The following NLGN1 variants were observed in gnomAD, a reference collection of about 807,000 sequenced individuals.
The protein encoded by NLGN1 is neuroligin-1.
NLGN1 carries 12 observed loss-of-function variants against 65.5 expected under a neutral mutation model. The observed-to-expected ratio is 0.18, with a 90% CI of 0.12 to 0.30. The LOEUF is 0.30. NLGN1 is among the 10% of genes least tolerant of loss of function. NLGN1 has a pLI of 1.00. For missense variants in NLGN1, 750 were observed against 1,007.1 expected (o/e 0.74, Z 3.46); for synonymous variants, 350 against 359.5 (o/e 0.97, Z 0.30).
intron 4 of NLGN1, among the ~76,000 whole-genome samples, chr3:174,220,797 G>T (rs1023730394): frequency 6.6e-6 from 1 of 152,100 alleles, no homozygotes; most frequent in African/African-American, 2.4e-5. Flanking sequence ...TGTGAAATAT[G>T]TAGACAGCAA....
intron 4 of NLGN1, among the ~76,000 whole-genome samples, chr3:174,236,254 T>A (rs1038938779): frequency 6.6e-6 from 1 of 152,108 alleles, no homozygotes; most frequent in African/African-American, 2.4e-5. Flanking sequence ...CTCGAACCTA[T>A]TATCCAAAAA....
chr3:173,610,308 G>A (rs1272411272), intron 3 of NLGN1, among the ~76,000 whole-genome samples: 1 of 151,910 alleles, frequency 6.6e-6, no homozygotes, highest in Non-Finnish European at 1.5e-5. Context: ...AAGGGTTACG[G>A]GAGAAGCAGA....
At chr3:173,452,842 A>G (rs1721854631) in intron 2 of NLGN1, among the ~76,000 whole-genome samples, 1 of 152,220 alleles carries the variant, frequency 6.6e-6, no homozygotes, top group African/African-American at 2.4e-5. Flanking sequence ...TGAGCCACAG[A>G]CATTTTTTGG....
At chr3:174,000,479 G>A (rs1163654269) in intron 4 of NLGN1, among the ~76,000 whole-genome samples, 1 of 152,140 alleles carries the variant, frequency 6.6e-6, no homozygotes, top group Non-Finnish European at 1.5e-5. Context: ...GAATCAGAGC[G>A]AATCCTACCT....
At chr3:174,174,379 T>C (rs1406389907) in intron 4 of NLGN1, among the ~76,000 whole-genome samples, 1 of 152,094 alleles carries the variant, frequency 6.6e-6, no homozygotes, top group African/African-American at 2.4e-5. Context: ...CTACTTTTAG[T>C]TGTTTAAGGA....
chr3:174,264,755 C>T (rs924213334), intron 4 of NLGN1, among the ~76,000 whole-genome samples: 23 of 152,076 alleles, frequency 1.5e-4, no homozygotes, highest in African/African-American at 3.1e-4. Context: ...GGAGGAGAGG[C>T]GCTCTGATTT....
chr3:174,108,511 A>G (rs2152608574), intron 4 of NLGN1, among the ~76,000 whole-genome samples: 1 of 151,470 alleles, frequency 6.6e-6, no homozygotes, highest in Non-Finnish European at 1.5e-5. Flanking sequence ...ACAGTACTTA[A>G]AGAGGTGAAG....
intron 3 of NLGN1, among the ~76,000 whole-genome samples, chr3:173,729,030 G>C (rs1333892762): frequency 6.6e-6 from 1 of 152,022 alleles, no homozygotes; most frequent in Non-Finnish European, 1.5e-5. Flanking sequence ...ACTTTATTCA[G>C]ATTACCTGAT....
chr3:174,065,591 C>T (rs1738351783), intron 4 of NLGN1, among the ~76,000 whole-genome samples: 1 of 151,932 alleles, frequency 6.6e-6, no homozygotes. Flanking sequence ...TTGATTCCTG[C>T]CTCCTGATAT....
intron 3 of NLGN1, among the ~76,000 whole-genome samples, chr3:173,619,556 A>G (rs1753659808): frequency 6.6e-6 from 1 of 152,188 alleles, no homozygotes. Context: ...CATTGTTTTA[A>G]TGGCTTTATA....
At position 174,026,356 on chromosome 3, in the gene NLGN1, G is replaced by A. The variant is rs1728827442; in HGVS notation, c.646+218524G>A. Among the ~76,000 whole-genome samples the A allele has an allele frequency of 2.0e-5, 3 of 151,964 alleles. No individual in the cohort carries two copies. In the South Asian group the frequency reaches 6.2e-4, roughly 31 times the overall value. On this transcript the variant is annotated intron_variant, in intron 4 of 6. Coordinates refer to ENST00000457714, the Ensembl canonical transcript of NLGN1. ...GCCCATGCTAATCTCAAATTCCTGGGTTCAAGCAATCTGCCCATTTTGGCC... is the reference window on the plus strand; with the variant it reads ...GCCCATGCTAATCTCAAATTCCTGGATTCAAGCAATCTGCCCATTTTGGCC...
intron 2 of NLGN1, among the ~76,000 whole-genome samples, chr3:173,441,082 C>T (rs1719100799): frequency 6.6e-6 from 1 of 152,164 alleles, no homozygotes; most frequent in Non-Finnish European, 1.5e-5. Flanking sequence ...CCTCATGAAC[C>T]AGTCTCTGCT....
intron 4 of NLGN1, among the ~76,000 whole-genome samples, chr3:173,863,908 A>T (rs1372149104): frequency 6.6e-6 from 1 of 152,204 alleles, no homozygotes; most frequent in Admixed American, 6.5e-5. Context: ...AAAAGTGATC[A>T]ATCTATTGCA....
intron 3 of NLGN1, among the ~76,000 whole-genome samples, chr3:173,774,077 T>C (rs941693319): frequency 6.6e-6 from 1 of 152,192 alleles, no homozygotes; most frequent in African/African-American, 2.4e-5. Flanking sequence ...TAGCAGGGCA[T>C]ATGGGCCACA....
intron 2 of NLGN1, among the ~76,000 whole-genome samples, chr3:173,598,752 A>G (rs563620930): frequency 1.1e-4 from 17 of 152,262 alleles, no homozygotes; most frequent in African/African-American, 3.9e-4. Context: ...CAAAGGAAAA[A>G]ATAAGACTTT....
intron 2 of NLGN1, among the ~76,000 whole-genome samples, chr3:173,464,587 C>T (rs539828094): frequency 1.6e-4 from 24 of 152,188 alleles, no homozygotes; most frequent in African/African-American, 4.3e-4. Flanking sequence ...AGGTGTGCAC[C>T]ACCATGCCTG....
At chr3:173,450,528 C>T (rs1721295159) in intron 2 of NLGN1, among the ~76,000 whole-genome samples, 1 of 152,064 alleles carries the variant, frequency 6.6e-6, no homozygotes, top group African/African-American at 2.4e-5. Flanking sequence ...GTGAATCTGA[C>T]AATTATGTGT....
intron 3 of NLGN1, among the ~76,000 whole-genome samples, chr3:173,714,588 C>G (rs946896183): frequency 4.6e-5 from 7 of 152,032 alleles, no homozygotes; most frequent in African/African-American, 1.7e-4. Flanking sequence ...GCTGCTAGAG[C>G]AGCAAGTTAA....
intron 4 of NLGN1, among the ~76,000 whole-genome samples, chr3:174,267,298 A>G (rs1748446824): frequency 6.6e-6 from 1 of 152,176 alleles, no homozygotes; most frequent in Non-Finnish European, 1.5e-5. Context: ...GCAAAGAGGA[A>G]CCATTGTGTC....
Sources: allele counts gnomAD v4.1 joint callset (sites outside exome capture counted in the v4.1 genomes callset), GRCh38; gene constraint gnomAD v4.1.1; transcripts MANE v1.5; gene names NCBI Gene and HGNC (gene_info 2026-07-23, HGNC 2026-07-21).